SYN2: variants seen among roughly 807,000 people sequenced by gnomAD.
SYN2 encodes synapsin-2.
SYN2 carries 19 observed loss-of-function variants against 50.9 expected under a neutral mutation model. The observed-to-expected ratio is 0.37, with a 90% CI of 0.26 to 0.55. SYN2 has a LOEUF of 0.55. Among genes scored for constraint, SYN2 ranks in the 20% least tolerant of loss-of-function variants. The probability of loss-of-function intolerance (pLI) is 0.81; values close to 1 mark genes in which losing one functional copy is unlikely to be tolerated. For synonymous variants in SYN2, 255 were observed against 224.9 expected (o/e 1.13, Z -1.20); for missense variants, 587 against 576.4 (o/e 1.02, Z -0.19).
chr3:12,152,115 T>G (rs1265924353), intron 5 of SYN2, among the ~76,000 whole-genome samples: 1 of 152,182 alleles, frequency 6.6e-6, no homozygotes, highest in Non-Finnish European at 1.5e-5. Context: ...AGATTATGTT[T>G]GTGCCCGCCT....
chr3:12,042,759 A>T (rs904281930), intron 1 of SYN2, among the ~76,000 whole-genome samples: 1 of 152,198 alleles, frequency 6.6e-6, no homozygotes, highest in African/African-American at 2.4e-5. Context: ...TGGTGTCCTT[A>T]TAAGAAGAAG....
chr3:12,067,602 T>G (rs1195734177), intron 1 of SYN2, among the ~76,000 whole-genome samples: 1 of 146,414 alleles, frequency 6.8e-6, no homozygotes, highest in African/African-American at 2.6e-5. Context: ...CTCCAGACTC[T>G]CTTATCTTAA....
At chr3:12,132,034 C>CT (rs1255588208) in intron 1 of SYN2, among the ~76,000 whole-genome samples, 285 of 121,012 alleles carry the variant, frequency 2.4e-3, no homozygotes, top group African/African-American at 8.1e-3. Flanking sequence ...TCTTTTTTTT[C>CT]TTTTTTTTTC....
intron 1 of SYN2, among the ~76,000 whole-genome samples, chr3:12,008,100 A>G (rs1322200232): frequency 1.1e-4 from 17 of 152,236 alleles, no homozygotes; most frequent in Admixed American, 1.1e-3. Context: ...TGCTTAAACA[A>G]GGAACAGGTG....
At chr3:12,139,265 A>G (rs903884932) in intron 1 of SYN2, among the ~76,000 whole-genome samples, 3 of 152,210 alleles carry the variant, frequency 2.0e-5, no homozygotes, top group African/African-American at 7.2e-5. Context: ...AGTTGACAGG[A>G]ACCAGGGTAG....
At chr3:12,057,536 T>G (rs906734940) in intron 1 of SYN2, among the ~76,000 whole-genome samples, 1 of 152,152 alleles carries the variant, frequency 6.6e-6, no homozygotes, top group African/African-American at 2.4e-5. Flanking sequence ...TTGTATAAAT[T>G]TGGATTAGAC....
chr3:12,179,404 A>G (rs2125252224), intron 10 of SYN2, among the ~76,000 whole-genome samples: 1 of 149,974 alleles, frequency 6.7e-6, no homozygotes, highest in South Asian at 2.1e-4. Context: ...AAAAGCATAA[A>G]CGAATTCATG....
chr3:12,044,201 A>ACC (rs1559397109), intron 1 of SYN2, among the ~76,000 whole-genome samples: 8 of 150,114 alleles, frequency 5.3e-5, no homozygotes, highest in East Asian at 2.0e-4. Flanking sequence ...ACACACACAC[A>ACC]CACACACACA....
chr3:12,168,698 G>A (rs1208177600), intron 9 of SYN2, among the ~76,000 whole-genome samples: 1 of 152,132 alleles, frequency 6.6e-6, no homozygotes, highest in Non-Finnish European at 1.5e-5. Context: ...GAAGACTGTG[G>A]TGATGTTACC....
rs138823707 is a variant in SYN2, at chr3:12,097,422, C to T, written c.378-43229C>T. ...GAGATCAAGACCATCCTGGCTAACA[C>T]GGTGAAACCCCTTCTCTACTAAAAA... On this transcript the variant is annotated intron_variant, in intron 1 of 12. Transcript: ENST00000621198. 2.1e-3 allele frequency among the ~76,000 whole-genome samples: 314 copies of T among 151,422 alleles called. 1 individual carries two copies. The highest frequency in any genetic ancestry group is 3.4e-3 in the Middle Eastern group (1 of 294).
At chr3:12,161,888 C>A in intron 6 of SYN2, 124 bp from the exon 7 acceptor site, 1 of 1,356,342 alleles carries the variant, frequency 7.4e-7, no homozygotes, top group Non-Finnish European at 1.0e-6. Flanking sequence ...GGAGATGTGG[C>A]ACCCAGATTA....
chr3:12,008,794 G>A (rs1390271313), intron 1 of SYN2, among the ~76,000 whole-genome samples: 2 of 152,196 alleles, frequency 1.3e-5, no homozygotes, highest in Non-Finnish European at 2.9e-5. Flanking sequence ...AACAAGTGAG[G>A]TTTTAACTGA....
chr3:12,107,608 T>C (rs1048551142), intron 1 of SYN2, among the ~76,000 whole-genome samples: 4 of 152,154 alleles, frequency 2.6e-5, no homozygotes, highest in African/African-American at 9.7e-5. Flanking sequence ...TACTGTACTT[T>C]AAAGAATGCT....
At chr3:12,066,802 A>C (rs530597840) in intron 1 of SYN2, among the ~76,000 whole-genome samples, 8 of 152,158 alleles carry the variant, frequency 5.3e-5, no homozygotes, top group Non-Finnish European at 8.8e-5. Context: ...GGTGATTTAT[A>C]AAGGAAAGAA....
chr3:12,099,950 G>C (rs1272210122), intron 1 of SYN2, among the ~76,000 whole-genome samples: 2 of 107,392 alleles, frequency 1.9e-5, no homozygotes, highest in Admixed American at 1.4e-4. Flanking sequence ...GAGCGACAGA[G>C]TGAGACTCTG....
chr3:12,116,094 A>C (rs1242893069), intron 1 of SYN2, among the ~76,000 whole-genome samples: 2 of 152,204 alleles, frequency 1.3e-5, no homozygotes, highest in Non-Finnish European at 2.9e-5. Flanking sequence ...TAGCTGATTC[A>C]TGGGGCTAAT....
In SYN2 at chr3:12,141,936, A is replaced by G. The variant is rs769612879; in HGVS notation, c.467A>G (p.His156Arg). The stretch of plus-strand genomic sequence containing the variant: ...TTTTCAGAGCTCAACCTGGTGGCCC[A>G]TGCAGATGGCACCTATGCTGTGGAT... ...AEFSELNLVA[H>R]ADGTYAVDMQ... is the part of the protein sequence containing the mutation. The change falls in exon 3 of 13, where the codon CAT (histidine) becomes CGT (arginine). Residue 156 changes from histidine (H) to arginine (R), a missense_variant. Coordinates refer to ENST00000621198, the MANE Select transcript of SYN2 (RefSeq NM_133625.6). The G allele has an allele frequency of 1.0e-5, 8 of 780,742 alleles. No individual in the cohort carries two copies. In the African/African-American group the frequency reaches 1.2e-4, roughly 12 times the overall value. 48.4% of individuals were successfully genotyped at this position (780,742 alleles called of 1,614,324 possible).
intron 4 of SYN2, among the ~76,000 whole-genome samples, chr3:12,146,727 A>T (rs1276367958): frequency 6.6e-6 from 1 of 152,130 alleles, no homozygotes; most frequent in Non-Finnish European, 1.5e-5. Flanking sequence ...GGAAACTTTT[A>T]GGCAGATAGA....
Position 12,093,162 on chromosome 3 carries a change from G to T in SYN2, c.378-47489G>T, listed in dbSNP as rs183415177. 1.1e-3 allele frequency among the ~76,000 whole-genome samples: 163 copies of T among 152,250 alleles called. 1 individual carries two copies. The highest frequency in any genetic ancestry group is 3.9e-3 in the African/African-American group (160 of 41,554). ...TTGTCCAGAATCTCTACTGAATGGG[G>T]GAGCAAATTATGTATCACATTTTTT... On this transcript the variant is annotated intron_variant, in intron 1 of 12. Coordinates refer to ENST00000621198, the MANE Select transcript of SYN2 (RefSeq NM_133625.6).
Sources: allele counts gnomAD v4.1 joint callset (sites outside exome capture counted in the v4.1 genomes callset), GRCh38; gene constraint gnomAD v4.1.1; transcripts MANE v1.5; gene names NCBI Gene and HGNC (gene_info 2026-07-23, HGNC 2026-07-21).